Variants in BUD13 observed in about 807,000 individuals in gnomAD.
BUD13 encodes BUD13 spliceosome associated protein.
In BUD13, 47 loss-of-function variants were observed where a neutral mutation model predicts 62.5. The ratio of observed to expected loss-of-function variants is 0.75; its 90% CI spans 0.60 to 0.96. The LOEUF (loss-of-function observed/expected upper bound fraction) is 0.96, where lower values mean the gene tolerates loss of function less well. Among genes scored for constraint, BUD13 ranks in the 40% least tolerant of loss-of-function variants. The probability of loss-of-function intolerance (pLI) is 0.00; values close to 1 mark genes in which losing one functional copy is unlikely to be tolerated. For missense variants in BUD13, 821 were observed against 790.9 expected, an observed-to-expected ratio of 1.04 and a Z score of -0.46; for synonymous variants, 293 against 280.1, an observed-to-expected ratio of 1.05 and a Z score of -0.46.
intron 1 of BUD13, among the ~76,000 whole-genome samples, chr11:116,770,498 T>C (rs918457021): frequency 7.6e-6 from 1 of 132,246 alleles, no homozygotes; most frequent in African/African-American, 2.8e-5. Flanking sequence ...AATCTTTTTC[T>C]TTTTTTTTTT....
At chr11:116,772,720 G>T (rs656417) in intron 1 of BUD13, 102 bp downstream of exon 1, 550,739 of 1,379,904 alleles carry the variant, frequency 0.4, 111,810 homozygotes, top group African/African-American at 0.55. Context: ...CGGAGAAGCC[G>T]AGAGACCCGC....
intron 1 of BUD13, among the ~76,000 whole-genome samples, chr11:116,772,376 T>G (rs1422794762): frequency 6.6e-6 from 1 of 152,224 alleles, no homozygotes; most frequent in Non-Finnish European, 1.5e-5. Flanking sequence ...CTTCTCACGT[T>G]AGGACTATTA....
Position 116,765,441 on chromosome 11 carries a change from T to G in BUD13, c.243A>C (p.Ala81=). The G allele has an allele frequency of 6.2e-7, 1 of 1,614,144 alleles. No homozygotes were observed. The highest frequency in any genetic ancestry group is 8.5e-7 in the Non-Finnish European group (1 of 1,179,998). The change falls in exon 3 of 10, where the codon GCA becomes GCC. Residue 81 remains alanine, a synonymous_variant. Coordinates refer to ENST00000260210, the MANE Select transcript of BUD13 (RefSeq NM_032725.4). ...EEDDGDLPVV[A]EFVDERPEEV... Reference sequence around the variant, plus strand: ...CTTCTGGCCGCTCATCCACAAACTCTGCCACCTGTGAGAGTAAAGATTTCC... The same window carrying G: ...CTTCTGGCCGCTCATCCACAAACTCGGCCACCTGTGAGAGTAAAGATTTCC...
At chr11:116,751,809 A>C (rs910993768) in intron 9 of BUD13, among the ~76,000 whole-genome samples, 2 of 152,242 alleles carry the variant, frequency 1.3e-5, no homozygotes, top group African/African-American at 4.8e-5. Flanking sequence ...AATCCTAAGC[A>C]GAATCAGAAA....
rs755039559 is a variant in BUD13, at chr11:116,763,145, C to T, written c.444G>A (p.Pro148=). ...GACGGGCCCTCCTAGGAGATGGATC[C>T]GGGGTGTCATGACGGTCCTTCCTAG... ...PSPRKDRHDT[P]DPSPRRARHD... Residue 148 remains proline, a synonymous_variant, in exon 4 of 10, where the codon CCG becomes CCA. Coordinates refer to ENST00000260210, the MANE Select transcript of BUD13 (RefSeq NM_032725.4). The T allele has an allele frequency of 1.2e-5, 19 of 1,595,206 alleles. No homozygotes were observed. The highest frequency in any genetic ancestry group is 6.7e-5 in the Admixed American group (4 of 59,372).
chr11:116,765,046 C>G (rs1362229329), intron 3 of BUD13, among the ~76,000 whole-genome samples: 1 of 152,118 alleles, frequency 6.6e-6, no homozygotes, highest in Non-Finnish European at 1.5e-5. Flanking sequence ...CTTGTAAACT[C>G]CTCCCAAAGT....
chr11:116,753,756 ATG>A (rs1271443350), intron 9 of BUD13, among the ~76,000 whole-genome samples: 1 of 152,240 alleles, frequency 6.6e-6, no homozygotes, highest in East Asian at 1.9e-4. Context: ...TAATGAACAG[ATG>A]GGAAATCTCA....
chr11:116,753,261 G>C (rs573198823), intron 9 of BUD13, among the ~76,000 whole-genome samples: 1 of 152,202 alleles, frequency 6.6e-6, no homozygotes, highest in Admixed American at 6.5e-5. Flanking sequence ...GGAAATTAGG[G>C]GGGAAATCTT....
intron 9 of BUD13, among the ~76,000 whole-genome samples, chr11:116,754,317 G>T (rs950401395): frequency 4.6e-5 from 7 of 152,190 alleles, no homozygotes; most frequent in Non-Finnish European, 8.8e-5. Flanking sequence ...AAAATGTTGG[G>T]ATTACAGGCA....
At chr11:116,761,381 T>C (rs1010956436) in intron 4 of BUD13, among the ~76,000 whole-genome samples, 2 of 151,734 alleles carry the variant, frequency 1.3e-5, no homozygotes, top group African/African-American at 2.4e-5. Context: ...TGGAAGAATC[T>C]AAAAAGATAA....
intron 2 of BUD13, among the ~76,000 whole-genome samples, chr11:116,766,718 C>T (rs7118264): frequency 0.016 from 2,485 of 152,312 alleles, 68 homozygotes; most frequent in African/African-American, 0.055. Flanking sequence ...TCCTGTGCTG[C>T]CACTGCTATC....
rs575282999 is a variant in BUD13 at position 116,748,719 on chromosome 11, G to A, written c.1767-144C>T. On this transcript the variant is annotated intron_variant, in intron 9 of 9. Coordinates refer to ENST00000260210, the MANE Select transcript of BUD13 (RefSeq NM_032725.4). ...TATTTTAGGCATGGCCGGGCACGGC[G>A]GCTCACGCCTGTAATCCCAGCACTT... is the stretch of plus-strand genomic sequence containing the variant. The A allele has an allele frequency of 1.7e-4, 139 of 841,826 alleles. 1 individual carries two copies. In the African/African-American group the frequency reaches 2.1e-3, roughly 13 times the overall value. 52.1% of individuals were successfully genotyped at this position (841,826 alleles called of 1,614,324 possible).
rs183754786 is a variant in BUD13 at position 116,763,226 on chromosome 11, G to T, written c.363C>A (p.His121Gln). 3.2e-6 allele frequency: 5 copies of T among 1,552,892 alleles called. No homozygotes were observed. The Admixed American group carries it at 9.9e-5, about 31-fold the overall frequency. ...TCCTAGGAGATGAATCCGGGGTATC[G>T]TGACGAAAATGTCTGTTTGAGGGTA... ...EDLPSNRHFR[H>Q]DTPDSSPRRV... Residue 121 changes from histidine (H) to glutamine (Q), a missense_variant, in exon 4 of 10, where the codon CAC (histidine) becomes CAA (glutamine). Around this residue, in one of 2 missense-constraint regions of BUD13, gnomAD observed 800 missense variants for 739.2 expected, o/e 1.08. Transcript: ENST00000260210.
intron 9 of BUD13, among the ~76,000 whole-genome samples, chr11:116,753,608 G>A (rs7107839): frequency 6.6e-6 from 1 of 152,150 alleles, no homozygotes; most frequent in Non-Finnish European, 1.5e-5. Flanking sequence ...AAATAAACAG[G>A]AAAATGTAAT....
At chr11:116,763,677 T>C (rs987790127) in intron 3 of BUD13, among the ~76,000 whole-genome samples, 8 of 152,168 alleles carry the variant, frequency 5.3e-5, no homozygotes, top group African/African-American at 1.9e-4. Flanking sequence ...TCCAATGTTC[T>C]TTCTAAAACC....
intron 2 of BUD13, 127 bp from the exon 3 acceptor site, chr11:116,765,573 C>A: frequency 1.1e-6 from 1 of 898,090 alleles, no homozygotes; most frequent in South Asian, 1.5e-5. Flanking sequence ...CCAAAATGGT[C>A]ATGAAGAAGT....
intron 5 of BUD13, 98 bp downstream of exon 5, chr11:116,760,637 G>T: frequency 7.5e-7 from 1 of 1,339,884 alleles, no homozygotes. Flanking sequence ...ACTTCTCAGA[G>T]CTACATCCTT....
rs141032478 is a variant in BUD13 at position 116,762,964 on chromosome 11, T to A, written c.625A>T (p.Asn209Tyr). Residue 209 changes from asparagine (N) to tyrosine (Y), a missense_variant, in exon 4 of 10, where the codon AAT becomes TAT. Transcript: ENST00000260210. ...DPSPPRRPQH[N>Y]SSGASPRRVR... ...CTCCTAGGAGATGCACCTGAAGAAT[T>A]ATGCTGAGGCCTCCTTGGGGGAGAA... 18 of 1,613,154 alleles carry A rather than the reference T, an allele frequency of 1.1e-5. No individual in the cohort carries two copies. The African/African-American group carries it at 2.3e-4, about 20-fold the overall frequency.
chr11:116,748,980 C>CAAAAAAAAAAAAAAAAAAAAAAAAA (rs58988682), intron 9 of BUD13, among the ~76,000 whole-genome samples: 1 of 87,010 alleles, frequency 1.1e-5, no homozygotes. Context: ...GACTCTGTCT[C>CAAAAAAAAAAAAAAAAAAAAAAAAA]AAAAAAAAAA....
Sources: allele counts gnomAD v4.1 joint callset (sites outside exome capture counted in the v4.1 genomes callset), GRCh38; gene constraint gnomAD v4.1.1; regional missense constraint gnomAD v4.1.1; transcripts MANE v1.5; gene names NCBI Gene and HGNC (gene_info 2026-07-23, HGNC 2026-07-21).